The following CHD1L variants were observed in gnomAD, a reference collection of about 807,000 sequenced individuals.
CHD1L encodes chromodomain helicase DNA binding protein 1 like.
CHD1L carries 118 observed loss-of-function variants against 115.9 expected under a neutral mutation model. The observed-to-expected ratio is 1.02, with a 90% confidence interval of 0.88 to 1.19. The LOEUF (loss-of-function observed/expected upper bound fraction) is 1.19. Among genes scored for constraint, CHD1L ranks in the 50% most tolerant of loss-of-function variants. CHD1L has a pLI of 0.00. For missense variants in CHD1L, 1,179 were observed against 1,065.3 expected (o/e 1.11, Z -1.49); for synonymous variants, 411 against 387.1 (o/e 1.06, Z -0.72).
chr1:147,293,611 G>GCCTT lies in CHD1L; in HGVS notation c.2396_2399dup (p.Leu800PhefsTer9), dbSNP rs1559916613. ...ATCTAATGGTGGTTCTTTCCAGTTG[G>GCCTT]CCTTGATTGTGGCTCAGCATCGTGA... On this transcript the variant is annotated frameshift_variant, in exon 21 of 23. Transcript: ENST00000369258. LOFTEE classifies it high-confidence loss of function. 6.2e-7 allele frequency: 1 copy of GCCTT among 1,613,698 alleles called. No individual in the cohort carries two copies. The highest frequency in any genetic ancestry group is 2.2e-5 in the East Asian group (1 of 44,874).
the CHD1L span, among the ~76,000 whole-genome samples, chr1:147,217,203 C>T: frequency 6.6e-6 from 1 of 151,416 alleles, no homozygotes; most frequent in East Asian, 1.9e-4. Context: ...AGCGCCATTG[C>T]ACTCCAGCCT....
At chr1:147,289,836 G>T (rs587771349) in intron 19 of CHD1L, among the ~76,000 whole-genome samples, 1 of 152,234 alleles carries the variant, frequency 6.6e-6, no homozygotes, top group Non-Finnish European at 1.5e-5. Context: ...TTAGGCAGAA[G>T]AATAGAGGAG....
chr1:147,235,950 G>A, the CHD1L span, among the ~76,000 whole-genome samples: 2 of 152,182 alleles, frequency 1.3e-5, no homozygotes, highest in Non-Finnish European at 2.9e-5. Flanking sequence ...ATTCAGCCTG[G>A]CAGGCTGCAC....
chr1:147,174,706 T>A, the CHD1L span: 5 of 151,652 alleles, frequency 3.3e-5, no homozygotes, highest in Admixed American at 3.3e-4. Context: ...AATTCCTTTT[T>A]TTTTTCTTAG....
intron 11 of CHD1L, 186 bp downstream of exon 11, chr1:147,271,191 A>G: frequency 2.0e-6 from 1 of 500,748 alleles, no homozygotes; most frequent in Non-Finnish European, 3.6e-6. Flanking sequence ...GACAGCAGAG[A>G]ACAGGCACGT....
the CHD1L span, among the ~76,000 whole-genome samples, chr1:147,193,821 G>C: frequency 6.6e-6 from 1 of 152,140 alleles, no homozygotes; most frequent in Non-Finnish European, 1.5e-5. Context: ...GTGGTTTTGA[G>C]TGAGTTTTTT....
At chr1:147,262,731 C>A (rs199604604) in intron 6 of CHD1L, among the ~76,000 whole-genome samples, 5 of 149,734 alleles carry the variant, frequency 3.3e-5, no homozygotes, top group East Asian at 1.9e-4. Context: ...AGGGAGATGG[C>A]AAAAAAAAAA....
At chr1:147,200,356 G>T in the CHD1L span, among the ~76,000 whole-genome samples, 2 of 151,842 alleles carry the variant, frequency 1.3e-5, no homozygotes, top group Non-Finnish European at 2.9e-5. Context: ...ATCTCTCTCC[G>T]GCTTTTTCAG....
intron 21 of CHD1L, among the ~76,000 whole-genome samples, chr1:147,294,108 A>G (rs1686653509): frequency 6.6e-6 from 1 of 152,146 alleles, no homozygotes; most frequent in Admixed American, 6.5e-5. Flanking sequence ...TTGTTTCGAA[A>G]CCTAGTGTGT....
At chr1:147,224,968 C>T in the CHD1L span, 3 of 1,614,070 alleles carry the variant, frequency 1.9e-6, no homozygotes, top group Middle Eastern at 3.3e-4. Flanking sequence ...TTCTACGCAG[C>T]ACTTGATGGA....
At chr1:147,253,110 A>G (rs1272626566) in intron 2 of CHD1L, among the ~76,000 whole-genome samples, 1 of 152,210 alleles carries the variant, frequency 6.6e-6, no homozygotes, top group African/African-American at 2.4e-5. Flanking sequence ...TAGTGTCATT[A>G]TCTAATTTTA....
the CHD1L span, chr1:147,190,237 A>G: frequency 6.2e-7 from 1 of 1,609,216 alleles, no homozygotes; most frequent in South Asian, 1.1e-5. Context: ...CTGTGAGGGC[A>G]ATGTCTTTAG....
Position 147,272,181 on chromosome 1 carries a change from T to C in CHD1L, c.1170T>C (p.Tyr390=), listed in dbSNP as rs1559816383. 6.2e-7 allele frequency: 1 copy of C among 1,612,606 alleles called. No homozygotes were observed. The highest frequency in any genetic ancestry group is 1.3e-5 in the African/African-American group (1 of 75,052). Residue 390 remains tyrosine (Y), a synonymous_variant, in exon 12 of 23, where the codon TAT becomes TAC. Transcript: ENST00000369258. ...QDYMDYRGYS[Y]ERVDGSVRGE... ...TTCCTCTCTGTAAAGGCTACAGCTA[T>C]GAGCGTGTGGATGGTTCTGTGAGAG...
At chr1:147,214,170 G>A in the CHD1L span, among the ~76,000 whole-genome samples, 40 of 152,200 alleles carry the variant, frequency 2.6e-4, no homozygotes, top group East Asian at 6.4e-3. Flanking sequence ...ACACCATCCC[G>A]GCCGGGTGCG....
the CHD1L span, chr1:147,178,385 C>A: frequency 6.2e-7 from 1 of 1,611,634 alleles, no homozygotes; most frequent in Non-Finnish European, 8.5e-7. Flanking sequence ...AACACTAACA[C>A]CTGTAATAAA....
the CHD1L span, among the ~76,000 whole-genome samples, chr1:147,217,787 C>G: frequency 6.6e-6 from 1 of 152,162 alleles, no homozygotes; most frequent in African/African-American, 2.4e-5. Flanking sequence ...AGATGTTTTC[C>G]CATTTCCTGC....
chr1:147,244,664 C>T (rs2102234674), intron 1 of CHD1L, among the ~76,000 whole-genome samples: 1 of 152,044 alleles, frequency 6.6e-6, no homozygotes, highest in East Asian at 1.9e-4. Context: ...AATGGAGTTT[C>T]ATGTACATTT....
intron 1 of CHD1L, among the ~76,000 whole-genome samples, chr1:147,248,676 T>C (rs2102300185): frequency 6.6e-6 from 1 of 152,338 alleles, no homozygotes; most frequent in Non-Finnish European, 1.5e-5. Context: ...TTTATTTTTG[T>C]TTATTTACAG....
chr1:147,293,743 T>C, intron 21 of CHD1L, 21 bp downstream of exon 21: 1 of 1,579,922 alleles, frequency 6.3e-7, no homozygotes, highest in South Asian at 1.1e-5. Context: ...CCACCTGTGC[T>C]CAAGAGTAGA....
Sources: allele counts gnomAD v4.1 joint callset (sites outside exome capture counted in the v4.1 genomes callset), GRCh38; gene constraint gnomAD v4.1.1; transcripts MANE v1.5; gene names NCBI Gene and HGNC (gene_info 2026-07-23, HGNC 2026-07-21).